Variants in SLC30A5 observed in about 807,000 individuals in gnomAD.
SLC30A5 encodes the protein solute carrier family 30 member 5, also known as proton-coupled zinc antiporter SLC30A5.
SLC30A5 carries 33 observed loss-of-function variants against 79.6 expected under a neutral mutation model. That is an observed-to-expected ratio of 0.41 (90% CI 0.31 to 0.55). The LOEUF is 0.55. SLC30A5 is among the 20% of genes least tolerant of loss of function. The pLI, the probability that SLC30A5 is intolerant of heterozygous loss-of-function variation, is 0.20. For synonymous variants in SLC30A5, 299 were observed against 319.7 expected (o/e 0.94, Z 0.69); for missense variants, 788 against 928.1 (o/e 0.85, Z 1.96).
In SLC30A5 at chr5:69,117,298, G is replaced by A. The variant is rs200404247; in HGVS notation, c.1341G>A (p.Ser447=). 165 of 1,613,590 alleles carry A rather than the reference G, an allele frequency of 1.0e-4. No individual in the cohort carries two copies. The highest frequency in any genetic ancestry group is 7.5e-4 in the Admixed American group (45 of 59,936). Residue 447 remains serine (S), a synonymous_variant, in exon 11 of 16, where the codon TCG becomes TCA. Transcript: ENST00000396591. ...GVLTNSLGLI[S]DGFHMLFDCS... is the part of the protein sequence containing the mutation. ...TGACCAATAGTCTGGGCCTGATCTC[G>A]GATGGATTCCACATGCTTTTTGACT...
intron 1 of SLC30A5, among the ~76,000 whole-genome samples, chr5:69,095,589 A>G (rs1343319326): frequency 6.6e-6 from 1 of 152,202 alleles, no homozygotes; most frequent in Non-Finnish European, 1.5e-5. Context: ...TTAATTTTCT[A>G]ATCTATTTTG....
chr5:69,126,021 G>T (rs1004446935), intron 14 of SLC30A5, among the ~76,000 whole-genome samples: 1 of 151,900 alleles, frequency 6.6e-6, no homozygotes. Context: ...CTGTACTCCA[G>T]CCTGGGCAAC....
Position 69,117,298 on chromosome 5 carries a change from G to T in SLC30A5, c.1341G>T (p.Ser447=), listed in dbSNP as rs200404247. The T allele has an allele frequency of 6.2e-7, 1 of 1,613,472 alleles. No individual in the cohort carries two copies. Among genetic ancestry groups the T allele is most frequent in the African/African-American group, 1.3e-5 (1 of 74,736 alleles). ...TGACCAATAGTCTGGGCCTGATCTC[G>T]GATGGATTCCACATGCTTTTTGACT... ...GVLTNSLGLI[S]DGFHMLFDCS... The change falls in exon 11 of 16, where the codon TCG becomes TCT. Residue 447 remains serine (S), a synonymous_variant. Transcript: ENST00000396591.
In SLC30A5 at chr5:69,115,976, CT is replaced by C. The variant is rs778132038; in HGVS notation, c.840del (p.Phe280LeufsTer3). The stretch of plus-strand genomic sequence containing the variant: ...TCATTATGCCTTTTGCAACGGTTAT[CT>C]TTTTTGTCATGATCCTGGATTTCTA... ...SLIMPFATVI[F>X]FVMILDFYVD... On this transcript the variant is annotated frameshift_variant, in exon 9 of 16. Coordinates refer to ENST00000396591, the MANE Select transcript of SLC30A5 (RefSeq NM_022902.5). LOFTEE classifies it high-confidence loss of function. 6.2e-7 allele frequency: 1 copy of C among 1,613,766 alleles called. No homozygotes were observed. Among genetic ancestry groups the C allele is most frequent in the Non-Finnish European group, 8.5e-7 (1 of 1,179,886 alleles).
At chr5:69,107,015 C>T (rs551196134) in intron 4 of SLC30A5, among the ~76,000 whole-genome samples, 1 of 152,170 alleles carries the variant, frequency 6.6e-6, no homozygotes, top group Non-Finnish European at 1.5e-5. Context: ...CAGGTGCCTA[C>T]CACCACACCT....
Position 69,118,483 on chromosome 5 carries a change from T to C in SLC30A5, c.1440-16T>C, listed in dbSNP as rs759477012. ...TTTGTCCTTTTCCTTTTCTGAAAAA[T>C]GTTCTATGTTTTTAGGTACGGCCGA... On this transcript the variant is annotated splice_polypyrimidine_tract_variant and intron_variant, in intron 11 of 15. Transcript: ENST00000396591. 1 of 1,583,346 alleles carries C rather than the reference T, an allele frequency of 6.3e-7. No homozygotes were observed. The highest frequency in any genetic ancestry group is 1.2e-5 in the South Asian group (1 of 84,592).
chr5:69,102,977 G>T, intron 2 of SLC30A5, 85 bp from the exon 3 acceptor site: 1 of 598,042 alleles, frequency 1.7e-6, no homozygotes, highest in Non-Finnish European at 2.9e-6. Flanking sequence ...TGGCATATTT[G>T]TTTAAAATAA....
Position 69,116,552 on chromosome 5 carries a change from C to G in SLC30A5, c.1231C>G (p.Leu411Val). 1 of 1,609,978 alleles carries G rather than the reference C, an allele frequency of 6.2e-7. No individual in the cohort carries two copies. Residue 411 changes from leucine (L) to valine (V), a missense_variant, in exon 10 of 16, where the codon CTT becomes GTT. Leu to Val is a conservative substitution (Grantham distance 32). Coordinates refer to ENST00000396591, the MANE Select transcript of SLC30A5 (RefSeq NM_022902.5). This position sits in a 1 kb window ranked among gnomAD's most constrained non-coding sequence, Gnocchi z 4.0. ...RFIKESLKQILEESDSRQIFY... is the reference protein window; with the variant it reads ...RFIKESLKQIVEESDSRQIFY... The stretch of plus-strand genomic sequence containing the variant: ...TATTAAGGAATCACTAAAACAAATT[C>G]TTGAGGAGAGTGACTCTAGGCAGAT...
At position 69,100,936 on chromosome 5, in the gene SLC30A5, G is replaced by A. The variant is rs28451541; in HGVS notation, c.206+7G>A. The stretch of plus-strand genomic sequence containing the variant: ...TTTTTATATTAAAACTTGGGTGAGT[G>A]TGGGGGGGGGTTTTTTCTTGATATT... On this transcript the variant is annotated splice_region_variant and intron_variant, in intron 2 of 15. Coordinates refer to ENST00000396591, the MANE Select transcript of SLC30A5 (RefSeq NM_022902.5). The A allele has an allele frequency of 5.4e-3, 7,930 of 1,469,760 alleles. 323 individuals are homozygous for A. The African/African-American group carries it at 0.093, about 17-fold the overall frequency. 91.0% of individuals were successfully genotyped at this position (1,469,760 alleles called of 1,614,324 possible).
In SLC30A5 at chr5:69,130,457, C is replaced by T. The variant is rs184288165; in HGVS notation, c.*840C>T. 4.6e-5 allele frequency: 7 copies of T among 152,222 alleles called. No individual in the cohort carries two copies. Among genetic ancestry groups the T allele is most frequent in the Non-Finnish European group, 8.8e-5 (6 of 67,994 alleles). The allele number at this position is 152,222 out of a possible 1,614,324, so 9.4% of individuals were successfully genotyped here. On this transcript the variant is annotated 3_prime_UTR_variant, in exon 16 of 16. Coordinates refer to ENST00000396591, the MANE Select transcript of SLC30A5 (RefSeq NM_022902.5). ...CTTTCATCCTTTCTTAGCTCCATAA[C>T]GTTGTGAAACAGCCAGTTAAGAGAA...
rs1182754148 is a variant in SLC30A5, at chr5:69,101,030, G to A, written c.206+101G>A. 3 of 1,171,428 alleles carry A rather than the reference G, an allele frequency of 2.6e-6. No individual in the cohort carries two copies. In the African/African-American group the frequency reaches 4.6e-5, roughly 18 times the overall value. 72.6% of individuals were successfully genotyped at this position (1,171,428 alleles called of 1,614,324 possible). On this transcript the variant is annotated intron_variant, in intron 2 of 15. Coordinates refer to ENST00000396591, the MANE Select transcript of SLC30A5 (RefSeq NM_022902.5). ...AAACTTTACATACAATATTTTGTTT[G>A]TTCCTCCTGACAAGTATTTGATAAA...
intron 1 of SLC30A5, among the ~76,000 whole-genome samples, chr5:69,098,063 G>T (rs764632032): frequency 1.5e-4 from 22 of 151,310 alleles, no homozygotes; most frequent in Admixed American, 5.3e-4. Flanking sequence ...GCCCAGGTTG[G>T]TCTTGAACTC....
chr5:69,106,320 C>T (rs1445785676), intron 4 of SLC30A5, among the ~76,000 whole-genome samples: 1 of 152,054 alleles, frequency 6.6e-6, no homozygotes, highest in African/African-American at 2.4e-5. Context: ...TTGAGTGCTG[C>T]TATTGCTTAT....
chr5:69,115,349 A>G lies in SLC30A5; in HGVS notation c.725A>G (p.His242Arg). 1.2e-6 allele frequency: 2 copies of G among 1,613,502 alleles called. No homozygotes were observed. Among genetic ancestry groups the G allele is most frequent in the African/African-American group, 2.7e-5 (2 of 74,964 alleles). ...GGAKRLQALS[H>R]LVSVLLLCPW... The stretch of plus-strand genomic sequence containing the variant: ...GCTAAACGTCTTCAAGCTTTATCTC[A>G]TCTTGTTTCTGTGCTTCTCTTGTGC... The change falls in exon 8 of 16, where the codon CAT becomes CGT. Residue 242 changes from histidine to arginine, a missense_variant. His to Arg is a conservative substitution (Grantham distance 29). Transcript: ENST00000396591.
rs1292267427 is a variant in SLC30A5, at chr5:69,118,622, G to A, written c.1563G>A (p.Met521Ile). ...LIDPPELDTHMLTPVSVGGLI... is the reference protein window; with the variant it reads ...LIDPPELDTHILTPVSVGGLI... ...ATCCTCCAGAATTAGACACTCACAT[G>A]TTAACAGTAAGTCTTTTTATTTTCC... Residue 521 changes from methionine to isoleucine, a missense_variant, in exon 12 of 16, where the codon ATG becomes ATA. Physicochemically the swap from Met to Ile is conservative, Grantham distance 10. Around this residue, in one of 3 missense-constraint regions of SLC30A5, gnomAD observed 626 missense variants for 755.5 expected, o/e 0.83. Coordinates refer to ENST00000396591, the MANE Select transcript of SLC30A5 (RefSeq NM_022902.5). 1 of 1,578,240 alleles carries A rather than the reference G, an allele frequency of 6.3e-7. No individual in the cohort carries two copies. The highest frequency in any genetic ancestry group is 8.6e-7 in the Non-Finnish European group (1 of 1,165,968).
chr5:69,097,107 TTC>T (rs1301845967), intron 1 of SLC30A5, among the ~76,000 whole-genome samples: 29 of 132,258 alleles, frequency 2.2e-4, no homozygotes, highest in African/African-American at 8.4e-4. Context: ...TCCTCTCTTT[TTC>T]TTTTTTTTTT....
rs757539858 is a variant in SLC30A5, at chr5:69,121,892, A to G, written c.1768A>G (p.Arg590Gly). ...SAGGGMNANM[R>G]GVFLHVLADT... ...GGGTGGAGGCATGAATGCTAACATG[A>G]GGGGTGAGTCCTTGCAAAATATTAT... Residue 590 changes from arginine (R) to glycine (G), a missense_variant, in exon 13 of 16, where the codon AGG becomes GGG. Arg to Gly is a moderately radical substitution (Grantham distance 125). Transcript: ENST00000396591. 1 of 1,612,244 alleles carries G rather than the reference A, an allele frequency of 6.2e-7. No homozygotes were observed. The highest frequency in any genetic ancestry group is 1.7e-5 in the Admixed American group (1 of 59,804).
At position 69,100,851 on chromosome 5, in the gene SLC30A5, A is replaced by G. The variant is rs1355602445; in HGVS notation, c.128A>G (p.Lys43Arg). Reference protein sequence around the residue: ...IVLLCFTKFLKAVGLFESYDL... With the variant: ...IVLLCFTKFLRAVGLFESYDL... ...TTACTATGTTTCACTAAATTTTTGA[A>G]GGCTGTGGGACTTTTCGAATCATAT... Residue 43 changes from lysine to arginine, a missense_variant, in exon 2 of 16, where the codon AAG becomes AGG. Lys to Arg is a conservative substitution (Grantham distance 26). Coordinates refer to ENST00000396591, the MANE Select transcript of SLC30A5 (RefSeq NM_022902.5). 2 of 1,606,770 alleles carry G rather than the reference A, an allele frequency of 1.2e-6. No homozygotes were observed. Among genetic ancestry groups the G allele is most frequent in the Non-Finnish European group, 1.7e-6 (2 of 1,174,672 alleles).
intron 4 of SLC30A5, among the ~76,000 whole-genome samples, chr5:69,106,052 G>A (rs1457773351): frequency 2.6e-5 from 4 of 152,228 alleles, no homozygotes. Flanking sequence ...GAATAGTGGG[G>A]TAGACAGAGT....
Sources: gnomAD v4.1 joint callset for allele counts (sites outside exome capture counted in the v4.1 genomes callset) on GRCh38, gnomAD v4.1.1 for gene constraint, gnomAD v4.1.1 regional missense constraint, Gnocchi (gnomAD v3.1) non-coding constraint, MANE v1.5 for transcripts, NCBI Gene and HGNC (gene_info 2026-07-23, HGNC 2026-07-21) for gene names.